The following MYO18B variants were observed in gnomAD, a reference collection of about 807,000 sequenced individuals.
MYO18B encodes unconventional myosin-XVIIIb.
A neutral mutation model predicts 273.0 loss-of-function variants in MYO18B; 204 were observed. The observed-to-expected ratio is 0.75, with a 90% CI of 0.67 to 0.84. The LOEUF (loss-of-function observed/expected upper bound fraction) is 0.84. Ranked by LOEUF, MYO18B falls within the 40% of genes least tolerant of loss-of-function variation. The probability of loss-of-function intolerance (pLI) is 0.00; values close to 1 mark genes in which losing one functional copy is unlikely to be tolerated. For missense variants in MYO18B, 3,212 were observed against 3,287.6 expected, an observed-to-expected ratio of 0.98 and a Z score of 0.56; for synonymous variants, 1,330 against 1,305.7, an observed-to-expected ratio of 1.02 and a Z score of -0.40.
rs750425953 is a variant in MYO18B, at chr22:26,004,799, T to C, written c.6414T>C (p.Asp2138=). ...WLSCTLSLAT[D]TMRTPSRQSA... is the part of the protein sequence containing the mutation. ...GCTGTACTCTGTCCCTGGCCACAGA[T>C]ACTATGAGGACTCCTTCTCGACAGT... Residue 2138 remains aspartate (D), a synonymous_variant, in exon 42 of 44, where the codon GAT becomes GAC. Transcript: ENST00000335473. 1.2e-6 allele frequency: 2 copies of C among 1,613,946 alleles called. No individual in the cohort carries two copies. The highest frequency in any genetic ancestry group is 1.7e-6 in the Non-Finnish European group (2 of 1,179,838).
intron 29 of MYO18B, among the ~76,000 whole-genome samples, chr22:25,902,117 C>T (rs574592509): frequency 4.7e-4 from 71 of 152,204 alleles, no homozygotes; most frequent in Non-Finnish European, 5.9e-4. Context: ...GGATTACAGG[C>T]GTGAGCCACC....
the MYO18B span, among the ~76,000 whole-genome samples, chr22:26,048,950 C>T: frequency 6.6e-6 from 1 of 152,180 alleles, no homozygotes; most frequent in African/African-American, 2.4e-5. Context: ...ACCTCGCCAA[C>T]ACTATTGGGT....
At chr22:25,813,160 CTCCTCTTCT>C (rs1293931643) in intron 12 of MYO18B, among the ~76,000 whole-genome samples, 7 of 148,630 alleles carry the variant, frequency 4.7e-5, no homozygotes, top group African/African-American at 7.4e-5. Flanking sequence ...CTTCCTTCTC[CTCCTCTTCT>C]TCCTCTTCTT....
chr22:25,902,562 T>TC, intron 29 of MYO18B, 51 bp from the exon 30 acceptor site: 1 of 1,568,774 alleles, frequency 6.4e-7, no homozygotes, highest in Non-Finnish European at 8.6e-7. Flanking sequence ...CCTCAATCAC[T>TC]CCCCTGCCCA....
At chr22:25,767,718 C>T (rs536216806) in intron 3 of MYO18B, among the ~76,000 whole-genome samples, 105 of 152,324 alleles carry the variant, frequency 6.9e-4, no homozygotes, top group African/African-American at 2.4e-3. Flanking sequence ...ACACACTATG[C>T]GCTGGGCTCA....
At chr22:25,994,693 C>T (rs2331196) in intron 40 of MYO18B, among the ~76,000 whole-genome samples, 24,331 of 152,182 alleles carry the variant, frequency 0.16, 2,099 homozygotes, top group African/African-American at 0.19. Context: ...ATTCCACCTC[C>T]ACTGCCCCCT....
chr22:26,059,947 T>C, the MYO18B span, among the ~76,000 whole-genome samples: 5 of 152,362 alleles, frequency 3.3e-5, no homozygotes. Flanking sequence ...TGGTCGATTA[T>C]TGTGACAGCT....
At chr22:25,973,595 T>C (rs947902523) in intron 39 of MYO18B, among the ~76,000 whole-genome samples, 4 of 152,228 alleles carry the variant, frequency 2.6e-5, no homozygotes, top group African/African-American at 7.2e-5. Context: ...GATATTTACA[T>C]TTAATTGAAG....
chr22:25,952,659 A>G (rs376047572), intron 38 of MYO18B, among the ~76,000 whole-genome samples: 58 of 152,058 alleles, frequency 3.8e-4, no homozygotes, highest in African/African-American at 1.3e-3. Context: ...TTCCACCATC[A>G]TGGGTCCATT....
chr22:25,875,484 T>G (rs569648097), intron 23 of MYO18B, among the ~76,000 whole-genome samples: 11 of 146,410 alleles, frequency 7.5e-5, no homozygotes, highest in South Asian at 4.6e-4. Context: ...TTGGCCTGTC[T>G]GCCAGTCAGT....
chr22:25,889,626 A>G (rs1455113379), intron 25 of MYO18B, among the ~76,000 whole-genome samples: 9 of 150,572 alleles, frequency 6.0e-5, no homozygotes, highest in Non-Finnish European at 1.3e-4. Flanking sequence ...CCCTTCTCCT[A>G]CATAGGGTTG....
chr22:25,899,498 T>G lies in MYO18B; in HGVS notation c.4823+1037T>G, dbSNP rs574674144. The stretch of plus-strand genomic sequence containing the variant: ...AGTAGGAAGGAGAATTATATTTCCA[T>G]GGAGGTGGCATAGATTTTGAACTTG... On this transcript the variant is annotated intron_variant, in intron 29 of 43. Transcript: ENST00000335473. 7 of 152,344 alleles carry G rather than the reference T, an allele frequency of 4.6e-5. No individual in the cohort carries two copies. In the East Asian group the frequency reaches 9.6e-4, roughly 21 times the overall value. 9.4% of individuals were successfully genotyped at this position (152,344 alleles called of 1,614,324 possible). A position where few individuals can be genotyped will look rare whatever the true frequency, so the allele number is the denominator to read the frequency against.
chr22:25,809,611 C>T (rs908609290), intron 12 of MYO18B, among the ~76,000 whole-genome samples: 1 of 152,282 alleles, frequency 6.6e-6, no homozygotes, highest in African/African-American at 2.4e-5. Context: ...GCACCTCACT[C>T]CCCGCCTGCT....
At chr22:25,788,786 T>A (rs1448614423) in intron 11 of MYO18B, among the ~76,000 whole-genome samples, 2 of 152,168 alleles carry the variant, frequency 1.3e-5, no homozygotes, top group African/African-American at 4.8e-5. Flanking sequence ...CTGTAACAGC[T>A]GGTTCCATCT....
intron 35 of MYO18B, 46 bp downstream of exon 35, chr22:25,946,296 C>A: frequency 1.5e-6 from 2 of 1,370,144 alleles, no homozygotes; most frequent in Non-Finnish European, 2.0e-6. Flanking sequence ...CCAGCATAGG[C>A]CTCTGGGAGC....
At chr22:25,835,756 C>T (rs1280144392) in intron 17 of MYO18B, among the ~76,000 whole-genome samples, 2 of 152,172 alleles carry the variant, frequency 1.3e-5, no homozygotes, top group Non-Finnish European at 2.9e-5. Flanking sequence ...TCTAATGGGG[C>T]GCATCAGGGC....
At chr22:25,930,300 G>A (rs36103944) in intron 34 of MYO18B, among the ~76,000 whole-genome samples, 22,512 of 151,452 alleles carry the variant, frequency 0.15, 2,572 homozygotes, top group African/African-American at 0.32. Context: ...TGTTTCCATC[G>A]TTTTTTTTCT....
chr22:25,859,759 ATTAT>A (rs1243651860), intron 21 of MYO18B, among the ~76,000 whole-genome samples: 1 of 152,110 alleles, frequency 6.6e-6, no homozygotes, highest in African/African-American at 2.4e-5. Flanking sequence ...TCTAGACATA[ATTAT>A]TTATCAGATG....
intron 21 of MYO18B, among the ~76,000 whole-genome samples, chr22:25,856,527 A>G (rs1410385504): frequency 6.6e-6 from 1 of 152,226 alleles, no homozygotes; most frequent in Non-Finnish European, 1.5e-5. Flanking sequence ...AGATGCCACT[A>G]AAACATTTGA....
Sources: gnomAD v4.1 joint callset for allele counts (sites outside exome capture counted in the v4.1 genomes callset) on GRCh38, gnomAD v4.1.1 for gene constraint, MANE v1.5 for transcripts, NCBI Gene and HGNC (gene_info 2026-07-23, HGNC 2026-07-21) for gene names.